The following GFRA1 variants were observed in gnomAD, a reference collection of about 807,000 sequenced individuals.
GFRA1 encodes the protein GDNF family receptor alpha 1, also known as GDNF family receptor alpha-1.
A neutral mutation model predicts 51.6 loss-of-function variants in GFRA1; 16 were observed. The ratio of observed to expected loss-of-function variants is 0.31; its 90% CI spans 0.21 to 0.47. The LOEUF is 0.47. Among genes scored for constraint, GFRA1 ranks in the 20% least tolerant of loss-of-function variants. The pLI is 1.00. For synonymous variants in GFRA1, 270 were observed against 241.3 expected, an observed-to-expected ratio of 1.12 and a Z score of -1.10; for missense variants, 530 against 594.3, an observed-to-expected ratio of 0.89 and a Z score of 1.13.
intron 4 of GFRA1, among the ~76,000 whole-genome samples, chr10:116,252,211 C>T (rs1300437123): frequency 6.6e-6 from 1 of 152,020 alleles, no homozygotes; most frequent in Non-Finnish European, 1.5e-5. Context: ...CACAAGTACT[C>T]ACCTTCCCTC....
At chr10:116,244,194 T>C (rs1250470021) in intron 4 of GFRA1, among the ~76,000 whole-genome samples, 1 of 150,696 alleles carries the variant, frequency 6.6e-6, no homozygotes, top group African/African-American at 2.4e-5. Flanking sequence ...GATCTATTGA[T>C]CTATTACAGA....
intron 4 of GFRA1, among the ~76,000 whole-genome samples, chr10:116,234,870 T>G (rs879584347): frequency 6.6e-6 from 1 of 152,000 alleles, no homozygotes; most frequent in Non-Finnish European, 1.5e-5. Flanking sequence ...GGTGGGGGGG[T>G]TCCCTCATGC....
At chr10:116,267,231 G>A (rs531617343) in intron 4 of GFRA1, among the ~76,000 whole-genome samples, 7 of 152,212 alleles carry the variant, frequency 4.6e-5, no homozygotes, top group South Asian at 2.1e-4. Context: ...TTGGGAGGCC[G>A]AGGCAGGCGG....
intron 5 of GFRA1, among the ~76,000 whole-genome samples, chr10:116,175,101 GA>G (rs1961453561): frequency 6.6e-6 from 1 of 152,146 alleles, no homozygotes; most frequent in African/African-American, 2.4e-5. Context: ...CAACCTGTTA[GA>G]AACCCTGTAC....
chr10:116,057,555 G>A lies in GFRA1; in HGVS notation c.*6843C>T, dbSNP rs1189693313. 6.6e-6 allele frequency: 1 copy of A among 152,178 alleles called. No homozygotes were observed. Among genetic ancestry groups the A allele is most frequent in the Non-Finnish European group, 1.5e-5 (1 of 68,036 alleles). 9.4% of individuals were successfully genotyped at this position (152,178 alleles called of 1,614,324 possible). A position where few individuals can be genotyped will look rare whatever the true frequency, so the allele number is the denominator to read the frequency against. ...TAAATCTCACACAGCTTCTCAGCAG[G>A]AGTTGGATTAAACTGAGAAAATAAT... On this transcript the variant is annotated 3_prime_UTR_variant, in exon 11 of 11. Transcript: ENST00000355422.
rs192583800 is a variant in GFRA1, at chr10:116,264,943, C to A, written c.418+4560G>T. ...TTTACAAGGCTTTCTCTCGTCATGA[C>A]CTGACAAGAAAGCAGGTGATGTTAC... On this transcript the variant is annotated intron_variant, in intron 4 of 10. Transcript: ENST00000355422. Among the ~76,000 whole-genome samples the A allele has an allele frequency of 2.2e-3, 333 of 152,320 alleles. 3 individuals carry two copies. Among genetic ancestry groups the A allele is most frequent in the African/African-American group, 7.5e-3 (313 of 41,562 alleles).
At chr10:116,161,454 G>A (rs1959781275) in intron 5 of GFRA1, among the ~76,000 whole-genome samples, 3 of 152,206 alleles carry the variant, frequency 2.0e-5, no homozygotes, top group South Asian at 2.1e-4. Context: ...GCATCAGAAA[G>A]GAAGTTGACG....
chr10:116,161,213 C>T (rs1028384524), intron 5 of GFRA1, among the ~76,000 whole-genome samples: 2 of 152,152 alleles, frequency 1.3e-5, no homozygotes, highest in African/African-American at 2.4e-5. Context: ...AGATGCTCCA[C>T]AATTTTCTGA....
intron 9 of GFRA1, among the ~76,000 whole-genome samples, chr10:116,076,016 T>G (rs1955604849): frequency 6.6e-6 from 1 of 152,014 alleles, no homozygotes; most frequent in Non-Finnish European, 1.5e-5. Flanking sequence ...AGTGCTGGGA[T>G]TACAGGCGTG....
chr10:116,114,282 C>G (rs1192757461), intron 6 of GFRA1, among the ~76,000 whole-genome samples: 2 of 152,212 alleles, frequency 1.3e-5, no homozygotes, highest in Non-Finnish European at 2.9e-5. Flanking sequence ...CCACTCTGTG[C>G]CCAGCAGTCT....
intron 8 of GFRA1, among the ~76,000 whole-genome samples, chr10:116,092,917 C>A (rs1173843394): frequency 6.6e-6 from 1 of 152,190 alleles, no homozygotes; most frequent in Non-Finnish European, 1.5e-5. Context: ...GTGTGCATAT[C>A]TGGGTGGATA....
chr10:116,194,074 A>T (rs1247261757), intron 5 of GFRA1, among the ~76,000 whole-genome samples: 1 of 150,994 alleles, frequency 6.6e-6, no homozygotes, highest in African/African-American at 2.4e-5. Context: ...TTTAAAAAAA[A>T]AAAAAAAAGG....
At chr10:116,184,836 T>C (rs1056957681) in intron 5 of GFRA1, among the ~76,000 whole-genome samples, 2 of 151,946 alleles carry the variant, frequency 1.3e-5, no homozygotes, top group Non-Finnish European at 2.9e-5. Context: ...GTCTCCCTGG[T>C]GGGACAGCTC....
intron 5 of GFRA1, among the ~76,000 whole-genome samples, chr10:116,170,298 C>T (rs1960901977): frequency 6.6e-6 from 1 of 152,174 alleles, no homozygotes; most frequent in Non-Finnish European, 1.5e-5. Context: ...AGGTGTGTGT[C>T]ATTGAAAAGG....
At chr10:116,235,729 GTAAT>G (rs1048456979) in intron 4 of GFRA1, among the ~76,000 whole-genome samples, 38 of 152,316 alleles carry the variant, frequency 2.5e-4, no homozygotes, top group African/African-American at 9.1e-4. Flanking sequence ...CCTTTCGGCA[GTAAT>G]TAGAGTTAGA....
intron 9 of GFRA1, among the ~76,000 whole-genome samples, chr10:116,085,676 C>G (rs1956071328): frequency 6.6e-6 from 1 of 152,122 alleles, no homozygotes; most frequent in Admixed American, 6.6e-5. Context: ...GCCCTTCACT[C>G]ATCACTCTCT....
intron 5 of GFRA1, among the ~76,000 whole-genome samples, chr10:116,202,548 A>G (rs138690844): frequency 6.6e-6 from 1 of 152,268 alleles, no homozygotes; most frequent in African/African-American, 2.4e-5. Context: ...TCATAAAGAA[A>G]AGACTTTCAC....
chr10:116,103,313 A>G (rs1441528285), intron 6 of GFRA1, among the ~76,000 whole-genome samples: 1 of 152,174 alleles, frequency 6.6e-6, no homozygotes, highest in African/African-American at 2.4e-5. Flanking sequence ...GTTCTCCCCA[A>G]TTCCTGGTTC....
At chr10:116,115,532 T>C (rs374356677) in intron 6 of GFRA1, among the ~76,000 whole-genome samples, 2 of 151,542 alleles carry the variant, frequency 1.3e-5, no homozygotes, top group Non-Finnish European at 2.9e-5. Context: ...CTTAAGTCAC[T>C]GAATGCTAAT....
Sources: allele counts gnomAD v4.1 joint callset (sites outside exome capture counted in the v4.1 genomes callset), GRCh38; gene constraint gnomAD v4.1.1; transcripts MANE v1.5; gene names NCBI Gene and HGNC (gene_info 2026-07-23, HGNC 2026-07-21).